The following FARS2 variants were observed in gnomAD, a reference collection of about 807,000 sequenced individuals.
FARS2 encodes the protein phenylalanine--tRNA ligase, mitochondrial.
In FARS2, 40 loss-of-function variants were observed where a neutral mutation model predicts 46.4. The ratio of observed to expected loss-of-function variants is 0.86; its 90% confidence interval spans 0.67 to 1.12. The LOEUF is 1.12. Among genes scored for constraint, FARS2 ranks in the 50% most tolerant of loss-of-function variants. The probability of loss-of-function intolerance (pLI) is 0.00; values close to 1 mark genes in which losing one functional copy is unlikely to be tolerated. For missense variants in FARS2, 513 were observed against 567.9 expected, an observed-to-expected ratio of 0.90 and a Z score of 0.98; for synonymous variants, 234 against 214.9, an observed-to-expected ratio of 1.09 and a Z score of -0.78.
At chr6:5,296,357 G>A (rs1233023514) in intron 1 of FARS2, among the ~76,000 whole-genome samples, 6 of 151,926 alleles carry the variant, frequency 3.9e-5, no homozygotes, top group Non-Finnish European at 7.4e-5. Flanking sequence ...TAGCCAGGAT[G>A]GTCTCGATCT....
At chr6:5,329,362 T>G (rs1322201235) in intron 1 of FARS2, among the ~76,000 whole-genome samples, 1 of 152,238 alleles carries the variant, frequency 6.6e-6, no homozygotes, top group Non-Finnish European at 1.5e-5. Context: ...CCAGTATTTT[T>G]CAATTGTCTT....
chr6:5,601,524 C>CAAAAA (rs70975920), intron 5 of FARS2, among the ~76,000 whole-genome samples: 2 of 92,164 alleles, frequency 2.2e-5, no homozygotes, highest in African/African-American at 5.0e-5. Context: ...AACTCCATCA[C>CAAAAA]AAAAAAAAAA....
intron 6 of FARS2, among the ~76,000 whole-genome samples, chr6:5,664,008 G>A (rs889319054): frequency 3.9e-5 from 6 of 152,192 alleles, no homozygotes; most frequent in South Asian, 2.1e-4. Flanking sequence ...CAGATCTGTG[G>A]CCCCCCTGGC....
At chr6:5,605,974 G>A (rs552243872) in intron 5 of FARS2, among the ~76,000 whole-genome samples, 86 of 152,218 alleles carry the variant, frequency 5.6e-4, no homozygotes, top group South Asian at 1.0e-3. Context: ...TAGTTAAGAC[G>A]CTGTTACTGA....
chr6:5,689,746 G>A (rs2150858194), intron 6 of FARS2, among the ~76,000 whole-genome samples: 1 of 152,262 alleles, frequency 6.6e-6, no homozygotes, highest in South Asian at 2.1e-4. Flanking sequence ...TCAGTTCCTG[G>A]ATATGCTTGT....
At chr6:5,504,585 C>T (rs1008151842) in intron 4 of FARS2, among the ~76,000 whole-genome samples, 2 of 151,990 alleles carry the variant, frequency 1.3e-5, no homozygotes, top group South Asian at 4.2e-4. Context: ...AACTTCAAGT[C>T]GCACAAAATG....
chr6:5,554,445 T>A (rs1771539244), intron 5 of FARS2, among the ~76,000 whole-genome samples: 1 of 152,192 alleles, frequency 6.6e-6, no homozygotes, highest in Admixed American at 6.5e-5. Flanking sequence ...GGGAAAACTC[T>A]GGGTCAGAGT....
chr6:5,431,236 C>G, intron 4 of FARS2, 64 bp downstream of exon 4: 1 of 1,536,542 alleles, frequency 6.5e-7, no homozygotes, highest in South Asian at 1.1e-5. Flanking sequence ...CTCAGGCAGC[C>G]CCGTTGCACA....
At chr6:5,503,182 TTAA>T (rs1767901361) in intron 4 of FARS2, among the ~76,000 whole-genome samples, 1 of 148,856 alleles carries the variant, frequency 6.7e-6, no homozygotes, top group South Asian at 2.2e-4. Context: ...AATTTAAAAA[TTAA>T]TAAAATATAT....
chr6:5,631,996 A>AG (rs1460243880), intron 6 of FARS2, among the ~76,000 whole-genome samples: 2 of 152,210 alleles, frequency 1.3e-5, no homozygotes, highest in African/African-American at 4.8e-5. Context: ...ATCATGATTT[A>AG]GTTCTTTTTC....
At chr6:5,470,061 C>A (rs144994010) in intron 4 of FARS2, among the ~76,000 whole-genome samples, 2,307 of 152,244 alleles carry the variant, frequency 0.015, 64 homozygotes, top group African/African-American at 0.052. Context: ...GAGTAGTAGA[C>A]TTCATTATTA....
intron 6 of FARS2, among the ~76,000 whole-genome samples, chr6:5,692,578 AATAG>A (rs1195438940): frequency 2.6e-5 from 4 of 152,248 alleles, no homozygotes; most frequent in East Asian, 1.9e-4. Context: ...ATTGAAGGAA[AATAG>A]ATAGGCAAAA....
At chr6:5,704,175 G>T (rs570733704) in intron 6 of FARS2, among the ~76,000 whole-genome samples, 28 of 152,314 alleles carry the variant, frequency 1.8e-4, no homozygotes, top group African/African-American at 6.5e-4. Context: ...AGTTCTGGAA[G>T]CTGGGAAGGC....
the FARS2 span, among the ~76,000 whole-genome samples, chr6:5,251,790 G>A: frequency 6.6e-6 from 1 of 152,126 alleles, no homozygotes; most frequent in African/African-American, 2.4e-5. Flanking sequence ...GGTGGAAGAG[G>A]CAGTCACTGT....
At chr6:5,462,431 T>G (rs1346495156) in intron 4 of FARS2, among the ~76,000 whole-genome samples, 2 of 152,160 alleles carry the variant, frequency 1.3e-5, no homozygotes, top group Admixed American at 1.3e-4. Context: ...GGATTATGAT[T>G]TTTGTGTTGT....
At chr6:5,450,502 C>T (rs897723800) in intron 4 of FARS2, among the ~76,000 whole-genome samples, 4 of 151,438 alleles carry the variant, frequency 2.6e-5, no homozygotes, top group South Asian at 4.2e-4. Context: ...CGGTGGCCAT[C>T]GGTGAAGTGT....
At chr6:5,516,367 A>G (rs1768794201) in intron 4 of FARS2, among the ~76,000 whole-genome samples, 1 of 152,244 alleles carries the variant, frequency 6.6e-6, no homozygotes, top group Non-Finnish European at 1.5e-5. Flanking sequence ...TGACAGCAGT[A>G]GTAACAGCAA....
intron 6 of FARS2, among the ~76,000 whole-genome samples, chr6:5,642,799 G>A (rs1458440226): frequency 6.6e-6 from 1 of 152,198 alleles, no homozygotes; most frequent in Admixed American, 6.5e-5. Flanking sequence ...TTTGAGTTCA[G>A]TCCACTCTTA....
At chr6:5,641,859 T>G (rs1776837127) in intron 6 of FARS2, among the ~76,000 whole-genome samples, 1 of 152,234 alleles carries the variant, frequency 6.6e-6, no homozygotes, top group African/African-American at 2.4e-5. Flanking sequence ...AAAGCTTTCA[T>G]GATGCCCCTG....
Sources: allele counts gnomAD v4.1 joint callset (sites outside exome capture counted in the v4.1 genomes callset), GRCh38; gene constraint gnomAD v4.1.1; transcripts MANE v1.5; gene names NCBI Gene and HGNC (gene_info 2026-07-23, HGNC 2026-07-21).